JAKMIP2: variants seen among roughly 807,000 people sequenced by gnomAD.
JAKMIP2 encodes the protein janus kinase and microtubule interacting protein 2, also known as janus kinase and microtubule-interacting protein 2.
JAKMIP2 carries 25 observed loss-of-function variants against 115.0 expected under a neutral mutation model. The ratio of observed to expected loss-of-function variants is 0.22; its 90% CI spans 0.16 to 0.30. The LOEUF is 0.30. JAKMIP2 is among the 10% of genes least tolerant of loss of function. The pLI is 1.00. For missense variants in JAKMIP2, 642 were observed against 957.6 expected (o/e 0.67, Z 4.35); for synonymous variants, 334 against 343.6 (o/e 0.97, Z 0.31).
intron 2 of JAKMIP2, among the ~76,000 whole-genome samples, chr5:147,665,550 A>G (rs1759253354): frequency 6.6e-6 from 1 of 152,194 alleles, no homozygotes; most frequent in Non-Finnish European, 1.5e-5. Context: ...ACTTTTAGCC[A>G]TTCTTCTGAG....
rs1005319591 is a variant in JAKMIP2, at chr5:147,601,732, G to A, written c.*20+9C>T. 1.3e-6 allele frequency: 2 copies of A among 1,514,734 alleles called. No individual in the cohort carries two copies. The highest frequency in any genetic ancestry group is 2.8e-5 in the African/African-American group (2 of 70,800). 93.8% of individuals were successfully genotyped at this position (1,514,734 alleles called of 1,614,324 possible). On this transcript the variant is annotated intron_variant, in intron 21 of 21. Transcript: ENST00000616793. ...AGAACCACATTTTGAGAATTAAATG[G>A]AATCTTACCTTTAAGAGGCACCTTG...
chr5:147,705,669 G>A (rs1178152537), intron 1 of JAKMIP2, among the ~76,000 whole-genome samples: 1 of 152,106 alleles, frequency 6.6e-6, no homozygotes, highest in African/African-American at 2.4e-5. Context: ...GAAATATAAG[G>A]TTACTTCCAG....
Position 147,589,258 on chromosome 5 carries a change from C to G in JAKMIP2, c.*2449G>C, listed in dbSNP as rs1755006652. 1 of 152,240 alleles carries G rather than the reference C, an allele frequency of 6.6e-6. No individual in the cohort carries two copies. Among genetic ancestry groups the G allele is most frequent in the Admixed American group, 6.6e-5 (1 of 15,230 alleles). The allele number at this position is 152,240 out of a possible 1,614,324, so 9.4% of individuals were successfully genotyped here. A position where few individuals can be genotyped will look rare whatever the true frequency, so the allele number is the denominator to read the frequency against. On this transcript the variant is annotated 3_prime_UTR_variant, in exon 22 of 22. Coordinates refer to ENST00000616793, the MANE Select transcript of JAKMIP2 (RefSeq NM_001270941.2). ...GGTCAGGAGTTCGAGACCAGCCTGA[C>G]CAGCATAGTGAAACCCTGTCTCTAC...
At chr5:147,695,424 CT>C (rs1214635602) in intron 1 of JAKMIP2, among the ~76,000 whole-genome samples, 2 of 152,206 alleles carry the variant, frequency 1.3e-5, no homozygotes, top group East Asian at 3.9e-4. Flanking sequence ...TTCTGTTAGT[CT>C]GCAGCTTGGC....
At chr5:147,623,924 C>T (rs1426494697) in intron 16 of JAKMIP2, among the ~76,000 whole-genome samples, 1 of 152,112 alleles carries the variant, frequency 6.6e-6, no homozygotes, top group Non-Finnish European at 1.5e-5. Context: ...CAACCTCCGC[C>T]TCCTGCTTTC....
At chr5:147,754,730 G>T (rs1754684639) in intron 1 of JAKMIP2, among the ~76,000 whole-genome samples, 1 of 152,130 alleles carries the variant, frequency 6.6e-6, no homozygotes, top group African/African-American at 2.4e-5. Context: ...TATTAAGAAA[G>T]TGAGGCCCAG....
intron 1 of JAKMIP2, among the ~76,000 whole-genome samples, chr5:147,721,507 T>G (rs1753288885): frequency 6.6e-6 from 1 of 152,122 alleles, no homozygotes; most frequent in African/African-American, 2.4e-5. Flanking sequence ...CGAGACTCCG[T>G]GGGCGTAGGA....
At chr5:147,717,058 A>C (rs1422862985) in intron 1 of JAKMIP2, among the ~76,000 whole-genome samples, 5 of 63,562 alleles carry the variant, frequency 7.9e-5, no homozygotes, top group Admixed American at 2.0e-4. Flanking sequence ...TCAGCTTTCT[A>C]CATATGGCTA....
intron 16 of JAKMIP2, 59 bp downstream of exon 16, chr5:147,628,692 G>T (rs183962551): frequency 7.0e-6 from 9 of 1,287,092 alleles, no homozygotes; most frequent in East Asian, 2.3e-5. Flanking sequence ...ACCCTAGTCT[G>T]CTCGTTCAGT....
chr5:147,761,597 G>A (rs1025540784), intron 1 of JAKMIP2, among the ~76,000 whole-genome samples: 4 of 152,096 alleles, frequency 2.6e-5, no homozygotes, highest in Non-Finnish European at 4.4e-5. Context: ...TAACAGCTGA[G>A]AAAAGTGGCA....
chr5:147,729,728 C>T (rs533357418), intron 1 of JAKMIP2, among the ~76,000 whole-genome samples: 1 of 150,318 alleles, frequency 6.7e-6, no homozygotes, highest in South Asian at 2.1e-4. Flanking sequence ...GAGCCGAGAT[C>T]GCGCCTCTGC....
chr5:147,596,716 C>T (rs527541520), intron 21 of JAKMIP2, among the ~76,000 whole-genome samples: 28 of 152,226 alleles, frequency 1.8e-4, no homozygotes, highest in African/African-American at 6.3e-4. Context: ...TTTATTAGTA[C>T]AATTTGTGAG....
chr5:147,676,034 C>CA (rs1321536931), intron 1 of JAKMIP2, among the ~76,000 whole-genome samples: 1 of 151,946 alleles, frequency 6.6e-6, no homozygotes, highest in African/African-American at 2.4e-5. Context: ...CTCTTGAGTG[C>CA]AAAAAAGAGA....
chr5:147,594,109 T>C (rs1187743770), intron 21 of JAKMIP2, among the ~76,000 whole-genome samples: 1 of 152,184 alleles, frequency 6.6e-6, no homozygotes, highest in African/African-American at 2.4e-5. Context: ...GGCAGTCTCC[T>C]GGAATGTTAA....
At chr5:147,729,561 C>T (rs1753646726) in intron 1 of JAKMIP2, among the ~76,000 whole-genome samples, 1 of 151,972 alleles carries the variant, frequency 6.6e-6, no homozygotes, top group East Asian at 1.9e-4. Context: ...ATCATGAGGT[C>T]AGGAGATTGA....
intron 1 of JAKMIP2, among the ~76,000 whole-genome samples, chr5:147,690,079 G>A (rs1013731768): frequency 3.3e-5 from 5 of 152,200 alleles, no homozygotes; most frequent in Non-Finnish European, 5.9e-5. Context: ...GCTGGACACA[G>A]TGGCTCACAC....
At chr5:147,778,493 C>T (rs1291104559) in intron 1 of JAKMIP2, among the ~76,000 whole-genome samples, 1 of 151,978 alleles carries the variant, frequency 6.6e-6, no homozygotes, top group African/African-American at 2.4e-5. Context: ...TAATTTGCTA[C>T]CTTTCTACTG....
intron 15 of JAKMIP2, 95 bp from the exon 16 acceptor site, chr5:147,628,911 T>TA: frequency 1.3e-6 from 1 of 777,846 alleles, no homozygotes; most frequent in Non-Finnish European, 2.1e-6. Context: ...GCATTCTGTA[T>TA]AAGCCTGTAT....
chr5:147,685,801 AT>A (rs1040489216), intron 1 of JAKMIP2, among the ~76,000 whole-genome samples: 2 of 152,118 alleles, frequency 1.3e-5, no homozygotes, highest in South Asian at 2.1e-4. Context: ...AATAGCAGTA[AT>A]TTTTTTTGAA....
Sources: allele counts gnomAD v4.1 joint callset (sites outside exome capture counted in the v4.1 genomes callset), GRCh38; gene constraint gnomAD v4.1.1; transcripts MANE v1.5; gene names NCBI Gene and HGNC (gene_info 2026-07-23, HGNC 2026-07-21).